Variants in NLRC3 observed in about 807,000 individuals in gnomAD.
The protein encoded by NLRC3 is NLR family CARD domain containing 3, also known as NLR family CARD domain-containing protein 3.
NLRC3 carries 87 observed loss-of-function variants against 91.6 expected under a neutral mutation model. The observed-to-expected ratio is 0.95, with a 90% CI of 0.80 to 1.14. The LOEUF is 1.14. Ranked by LOEUF, NLRC3 falls within the 50% of genes most tolerant of loss-of-function variation. The pLI, the probability that NLRC3 is intolerant of heterozygous loss-of-function variation, is 0.00. For missense variants in NLRC3, 1,577 were observed against 1,418.6 expected (o/e 1.11, Z -1.79); for synonymous variants, 694 against 625.3 (o/e 1.11, Z -1.64).
At chr16:3,574,355 G>T (rs975754497) in intron 1 of NLRC3, among the ~76,000 whole-genome samples, 1 of 152,100 alleles carries the variant, frequency 6.6e-6, no homozygotes, top group Non-Finnish European at 1.5e-5. Context: ...GATTGGTCTG[G>T]CAAGGGCCCC....
chr16:3,540,217 G>A lies in NLRC3; in HGVS notation c.*1608C>T, dbSNP rs528568918. 8.5e-5 allele frequency: 13 copies of A among 152,164 alleles called. No homozygotes were observed. The highest frequency in any genetic ancestry group is 1.5e-4 in the Non-Finnish European group (10 of 68,032). The allele number at this position is 152,164 out of a possible 1,614,324, so 9.4% of individuals were successfully genotyped here. On this transcript the variant is annotated 3_prime_UTR_variant, in exon 20 of 20. Coordinates refer to ENST00000359128, the MANE Select transcript of NLRC3 (RefSeq NM_178844.4). ...GAGACTGCAAGGATATCATCTTCCCGAGTAGGCCTTCATCCATGGCCTCAG... is the reference window on the plus strand; with the variant it reads ...GAGACTGCAAGGATATCATCTTCCCAAGTAGGCCTTCATCCATGGCCTCAG...
At chr16:3,558,594 AC>A (rs2039463099) in intron 6 of NLRC3, among the ~76,000 whole-genome samples, 1 of 151,922 alleles carries the variant, frequency 6.6e-6, no homozygotes, top group Non-Finnish European at 1.5e-5. Flanking sequence ...ACACACACAC[AC>A]ACACACACAC....
At position 3,549,733 on chromosome 16, in the gene NLRC3, C is replaced by A. The variant is rs1274367163; in HGVS notation, c.2483G>T (p.Gly828Val). ...GAGGGTCTGGTTGGTGCAGAGGGCC[C>A]CCATCAGTGCTGCCACTCCTGCGTC... Reference protein sequence around the residue: ...ISDAGVAALMGALCTNQTLLS... With the variant: ...ISDAGVAALMVALCTNQTLLS... The change falls in exon 12 of 20, where the codon GGG becomes GTG. Residue 828 changes from glycine (G) to valine (V), a missense_variant. By Grantham distance (109) the Gly-to-Val change is moderately radical (BLOSUM62 -3). Coordinates refer to ENST00000359128, the MANE Select transcript of NLRC3 (RefSeq NM_178844.4). 1 of 1,551,182 alleles carries A rather than the reference C, an allele frequency of 6.4e-7. No homozygotes were observed. The highest frequency in any genetic ancestry group is 1.4e-5 in the African/African-American group (1 of 73,038).
At position 3,564,309 on chromosome 16, in the gene NLRC3, C is replaced by T. The variant is rs376925829; in HGVS notation, c.628G>A (p.Val210Ile). The T allele has an allele frequency of 3.1e-6, 5 of 1,611,624 alleles. No homozygotes were observed. The highest frequency in any genetic ancestry group is 2.2e-5 in the South Asian group (2 of 90,976). Reference protein sequence around the residue: ...HVGEPSLAVAVPARALLILDG... With the variant: ...HVGEPSLAVAIPARALLILDG... ...AGGATCAGGAGGGCCCTGGCTGGGACTGCCACCGCCAGGCTGGGCTCCCCG... is the reference window on the plus strand; with the variant it reads ...AGGATCAGGAGGGCCCTGGCTGGGATTGCCACCGCCAGGCTGGGCTCCCCG... The change falls in exon 5 of 20, where the codon GTC (valine) becomes ATC (isoleucine). Residue 210 changes from valine to isoleucine, a missense_variant. Val to Ile is a conservative substitution (Grantham distance 29). Transcript: ENST00000359128. This position sits in a 1 kb window ranked among gnomAD's most constrained non-coding sequence, Gnocchi z 5.9.
chr16:3,542,457 G>A (rs563401857), intron 18 of NLRC3, among the ~76,000 whole-genome samples, 183 bp from the exon 19 acceptor site: 1 of 152,214 alleles, frequency 6.6e-6, no homozygotes, highest in Non-Finnish European at 1.5e-5. Flanking sequence ...ATTGTCCCAC[G>A]CAAGTGCGCT....
chr16:3,569,371 CAT>C (rs139927647), intron 1 of NLRC3, among the ~76,000 whole-genome samples: 26,398 of 68,602 alleles, frequency 0.38, 7,018 homozygotes, highest in Non-Finnish European at 0.44. Context: ...TTCTGAAAAC[CAT>C]ATATATATAT....
rs1010841647 is a variant in NLRC3 at position 3,539,874 on chromosome 16, G to A, written c.*1951C>T. ...ATATCTCTGTAATCTTTAATTTCAC[G>A]CTATCTGCAATGTTTTGTGTTTTTC... On this transcript the variant is annotated 3_prime_UTR_variant, in exon 20 of 20. Coordinates refer to ENST00000359128, the MANE Select transcript of NLRC3 (RefSeq NM_178844.4). 2 of 152,084 alleles carry A rather than the reference G, an allele frequency of 1.3e-5. No homozygotes were observed. Among genetic ancestry groups the A allele is most frequent in the South Asian group, 2.1e-4 (1 of 4,826 alleles). 9.4% of individuals were successfully genotyped at this position (152,084 alleles called of 1,614,324 possible). A position where few individuals can be genotyped will look rare whatever the true frequency, so the allele number is the denominator to read the frequency against.
chr16:3,563,204 T>G lies in NLRC3; in HGVS notation c.1733A>C (p.Glu578Ala), dbSNP rs758048118. ...LHCLHELQHT[E>A]LARSVEEAME... The stretch of plus-strand genomic sequence containing the variant: ...GGCCTCCTCCACGCTGCGGGCCAGC[T>G]CGGTGTGCTGCAGCTCATGCAGGCA... Residue 578 changes from glutamate (E) to alanine (A), a missense_variant, in exon 5 of 20, where the codon GAG becomes GCG. Coordinates refer to ENST00000359128, the MANE Select transcript of NLRC3 (RefSeq NM_178844.4). 2.3e-5 allele frequency: 36 copies of G among 1,597,898 alleles called. No individual in the cohort carries two copies. The highest frequency in any genetic ancestry group is 2.9e-5 in the Non-Finnish European group (34 of 1,174,836).
At chr16:3,560,536 C>T (rs1377218260) in intron 6 of NLRC3, among the ~76,000 whole-genome samples, 3 of 152,326 alleles carry the variant, frequency 2.0e-5, no homozygotes, top group Admixed American at 2.0e-4. Context: ...CCACAAACCC[C>T]GAGTGTGTGT....
In NLRC3 at chr16:3,563,163, G is replaced by C; in HGVS notation, c.1774C>G (p.Leu592Val). 6.3e-7 allele frequency: 1 copy of C among 1,591,226 alleles called. No homozygotes were observed. The highest frequency in any genetic ancestry group is 8.5e-7 in the Non-Finnish European group (1 of 1,171,168). Residue 592 changes from leucine to valine, a missense_variant, in exon 5 of 20, where the codon CTG becomes GTG. Physicochemically the swap from Leu to Val is conservative, Grantham distance 32. Transcript: ENST00000359128. Reference sequence around the variant, plus strand: ...TGCGCGGGACCAGTCAGCCTGGCCAGGGCCCCGCTCTCCATGGCCTCCTCC... The same window carrying C: ...TGCGCGGGACCAGTCAGCCTGGCCACGGCCCCGCTCTCCATGGCCTCCTCC... ...SVEEAMESGA[L>V]ARLTGPAHRA... is the part of the protein sequence containing the mutation.
chr16:3,554,789 A>G (rs2039213362), intron 8 of NLRC3, among the ~76,000 whole-genome samples: 1 of 152,188 alleles, frequency 6.6e-6, no homozygotes, highest in South Asian at 2.1e-4. Flanking sequence ...AGAATTGAAA[A>G]CAGGCACTGG....
chr16:3,564,422 G>A lies in NLRC3; in HGVS notation c.515C>T (p.Ser172Leu), dbSNP rs767898156. The A allele has an allele frequency of 2.7e-5, 43 of 1,612,636 alleles. No individual in the cohort carries two copies. The highest frequency in any genetic ancestry group is 3.3e-5 in the Non-Finnish European group (39 of 1,179,884). Residue 172 changes from serine to leucine, a missense_variant, in exon 5 of 20, where the codon TCG becomes TTG. Transcript: ENST00000359128. The surrounding 1 kb of genome is among the most constrained non-coding windows in gnomAD (Gnocchi z 5.9). ...WAHGQVGKDF[S>L]LVLPLTFRDL... ...CCGGAAGGTCAGAGGCAGCACCAGC[G>A]AGAAGTCCTTGCCGACCTGCCCATG...
At chr16:3,547,915 C>T (rs189101601) in intron 15 of NLRC3, among the ~76,000 whole-genome samples, 27 of 152,358 alleles carry the variant, frequency 1.8e-4, no homozygotes, top group African/African-American at 6.5e-4. Context: ...AGATGATCCA[C>T]ATGCCTCAGC....
Position 3,544,300 on chromosome 16 carries a change from C to T in NLRC3, c.2801G>A (p.Gly934Glu). The T allele has an allele frequency of 6.2e-7, 1 of 1,613,520 alleles. No homozygotes were observed. The highest frequency in any genetic ancestry group is 2.2e-5 in the East Asian group (1 of 44,874). The change falls in exon 16 of 20, where the codon GGA becomes GAA. Residue 934 changes from glycine to glutamate, a missense_variant. By Grantham distance (98) the Gly-to-Glu change is moderately conservative. Transcript: ENST00000359128. ...DLQENAIGDD[G>E]ACAVARALKV... ...CAGTGCACGGGCCACCGCACACGCTCCGTCATCCCCGATGGCGTTCTCCTG... is the reference window on the plus strand; with the variant it reads ...CAGTGCACGGGCCACCGCACACGCTTCGTCATCCCCGATGGCGTTCTCCTG...
intron 17 of NLRC3, 88 bp from the exon 18 acceptor site, chr16:3,542,863 T>G: frequency 1.2e-6 from 1 of 841,936 alleles, no homozygotes; most frequent in Non-Finnish European, 1.9e-6. Flanking sequence ...GGCTGCTTGG[T>G]AGAGGAAACA....
chr16:3,550,379 C>A (rs2038929901), intron 11 of NLRC3, 35 bp downstream of exon 11: 3 of 1,449,784 alleles, frequency 2.1e-6, no homozygotes, highest in African/African-American at 2.8e-5. Context: ...GAAAGAGAAC[C>A]CAGGGGGAAT....
chr16:3,543,527 C>G lies in NLRC3; in HGVS notation c.2856-19G>C, dbSNP rs375055733. On this transcript the variant is annotated intron_variant, in intron 16 of 19. Coordinates refer to ENST00000359128, the MANE Select transcript of NLRC3 (RefSeq NM_178844.4). ...CTGGAGACTGGGGCGGAGAGGGTGCCGTCAGTGTGAGCCGGCTGGGCCCAC... is the reference window on the plus strand; with the variant it reads ...CTGGAGACTGGGGCGGAGAGGGTGCGGTCAGTGTGAGCCGGCTGGGCCCAC... 5.3e-5 allele frequency: 85 copies of G among 1,599,268 alleles called. No individual in the cohort carries two copies. In the African/African-American group the frequency reaches 5.8e-4, roughly 11 times the overall value.
chr16:3,554,093 A>G (rs1231090179), intron 9 of NLRC3, 149 bp downstream of exon 9: 2 of 598,248 alleles, frequency 3.3e-6, no homozygotes, highest in Non-Finnish European at 6.2e-6. Flanking sequence ...CTCTCTCGAA[A>G]AGTAATGGGC....
intron 5 of NLRC3, chr16:3,562,803 A>C: frequency 1.5e-6 from 1 of 677,992 alleles, no homozygotes; most frequent in South Asian, 1.6e-5. Flanking sequence ...CAGAGAGCGC[A>C]TGGCCCTCCT....
Sources: allele counts gnomAD v4.1 joint callset (sites outside exome capture counted in the v4.1 genomes callset), GRCh38; gene constraint gnomAD v4.1.1; non-coding constraint Gnocchi (gnomAD v3.1); transcripts MANE v1.5; gene names NCBI Gene and HGNC (gene_info 2026-07-23, HGNC 2026-07-21).